The following PTPRT variants were observed in gnomAD, a reference collection of about 807,000 sequenced individuals.
The protein encoded by PTPRT is receptor-type tyrosine-protein phosphatase T.
PTPRT carries 56 observed loss-of-function variants against 176.8 expected under a neutral mutation model. The observed-to-expected ratio is 0.32, with a 90% CI of 0.26 to 0.40. The LOEUF (loss-of-function observed/expected upper bound fraction) is 0.40, where lower values mean the gene tolerates loss of function less well. PTPRT is among the 10% of genes least tolerant of loss of function. PTPRT has a pLI of 1.00. For missense variants in PTPRT, 1,540 were observed against 1,908.2 expected (o/e 0.81, Z 3.60); for synonymous variants, 783 against 739.0 (o/e 1.06, Z -0.96).
At chr20:42,858,646 A>G (rs1393153010) in intron 2 of PTPRT, among the ~76,000 whole-genome samples, 1 of 152,188 alleles carries the variant, frequency 6.6e-6, no homozygotes, top group African/African-American at 2.4e-5. Flanking sequence ...GAGATATGGA[A>G]TCTTCTAGCA....
intron 2 of PTPRT, among the ~76,000 whole-genome samples, chr20:42,858,757 A>C (rs771701903): frequency 5.9e-5 from 9 of 152,222 alleles, no homozygotes; most frequent in Non-Finnish European, 1.2e-4. Flanking sequence ...AACTGGACTG[A>C]CAGATGTCAA....
intron 11 of PTPRT, among the ~76,000 whole-genome samples, chr20:42,338,798 A>C (rs543937472): frequency 6.6e-6 from 1 of 152,128 alleles, no homozygotes; most frequent in Non-Finnish European, 1.5e-5. Context: ...AGTTCTGCAA[A>C]TTCAAGGAAT....
intron 15 of PTPRT, among the ~76,000 whole-genome samples, chr20:42,204,826 C>T (rs1379865801): frequency 1.3e-5 from 2 of 152,068 alleles, no homozygotes; most frequent in South Asian, 2.1e-4. Flanking sequence ...AATCATGCTA[C>T]GAGAGGAGGA....
rs1333945560 is a variant in PTPRT at position 42,971,265 on chromosome 20, C to G, written c.89-85333G>C. The stretch of plus-strand genomic sequence containing the variant: ...TGAAAGTGCTGTTTGAAGAATTTTT[C>G]AGTCTTCAGAGAAGCAAGTTCCCCA... On this transcript the variant is annotated intron_variant, in intron 1 of 30. Coordinates refer to ENST00000373187, the MANE Select transcript of PTPRT (RefSeq NM_007050.6). 2.6e-5 allele frequency: 4 copies of G among 152,204 alleles called. No homozygotes were observed. The East Asian group carries it at 7.7e-4, about 29-fold the overall frequency. The allele number at this position is 152,204 out of a possible 1,614,324, so 9.4% of individuals were successfully genotyped here.
At chr20:42,614,284 A>C (rs186868843) in intron 7 of PTPRT, among the ~76,000 whole-genome samples, 40 of 152,230 alleles carry the variant, frequency 2.6e-4, no homozygotes, top group Admixed American at 2.4e-3. Flanking sequence ...AACACCCCCA[A>C]CACACACACC....
chr20:42,419,314 G>A (rs1381980728), intron 9 of PTPRT, among the ~76,000 whole-genome samples: 2 of 152,204 alleles, frequency 1.3e-5, no homozygotes, highest in Admixed American at 1.3e-4. Flanking sequence ...ATTTGCACGA[G>A]CATGAGGGAA....
chr20:43,076,612 C>T (rs1445788049), intron 1 of PTPRT, among the ~76,000 whole-genome samples: 3 of 152,156 alleles, frequency 2.0e-5, no homozygotes, highest in Admixed American at 1.3e-4. Flanking sequence ...AACTCCGGAA[C>T]TCAGAGGCCA....
At chr20:43,119,102 T>A (rs185074213) in intron 1 of PTPRT, among the ~76,000 whole-genome samples, 1 of 152,322 alleles carries the variant, frequency 6.6e-6, no homozygotes, top group East Asian at 1.9e-4. Context: ...ATAATGTTCA[T>A]AAGAATATGT....
intron 6 of PTPRT, among the ~76,000 whole-genome samples, chr20:42,682,875 G>C (rs1394252639): frequency 3.3e-5 from 5 of 152,192 alleles, no homozygotes; most frequent in African/African-American, 1.2e-4. Context: ...ACTTGTAACA[G>C]TTTGACTCCC....
At chr20:43,127,315 C>T (rs893642548) in intron 1 of PTPRT, among the ~76,000 whole-genome samples, 8 of 150,578 alleles carry the variant, frequency 5.3e-5, no homozygotes, top group Non-Finnish European at 1.0e-4. Context: ...CCCAGCTACT[C>T]GGGAGGCTGA....
chr20:42,514,881 C>G (rs1029577277), intron 7 of PTPRT, among the ~76,000 whole-genome samples: 1 of 152,152 alleles, frequency 6.6e-6, no homozygotes, highest in Non-Finnish European at 1.5e-5. Context: ...ACTTTTCATC[C>G]TGCTCTACTT....
At position 42,352,362 on chromosome 20, in the gene PTPRT, C is replaced by A. The variant is rs6102794; in HGVS notation, c.1561-77G>T. 400,786 of 1,468,512 alleles carry A rather than the reference C, an allele frequency of 0.27. 59,170 individuals are homozygous for A. Among genetic ancestry groups the A allele is most frequent in the Non-Finnish European group, 0.3 (319,980 of 1,055,556 alleles). The allele number at this position is 1,468,512 out of a possible 1,614,324, so 91.0% of individuals were successfully genotyped here. A position where few individuals can be genotyped will look rare whatever the true frequency, so the allele number is the denominator to read the frequency against. ...GCTGGATGGAGCTCCTTTAGAGGAA[C>A]CTTAGGGAGGCGGGGGAAGGGGCAG... On this transcript the variant is annotated intron_variant, in intron 9 of 30. Transcript: ENST00000373187.
intron 7 of PTPRT, among the ~76,000 whole-genome samples, chr20:42,653,429 G>T (rs181804145): frequency 5.3e-5 from 8 of 152,270 alleles, no homozygotes; most frequent in Non-Finnish European, 1.2e-4. Context: ...GCCTATCAAG[G>T]ACAGCATCAA....
intron 7 of PTPRT, among the ~76,000 whole-genome samples, chr20:42,571,622 A>G (rs1039744821): frequency 2.6e-5 from 4 of 152,332 alleles, no homozygotes; most frequent in African/African-American, 9.6e-5. Flanking sequence ...CTATTACAAC[A>G]GATCTCTAGA....
At chr20:42,812,362 AT>A (rs1175577382) in intron 2 of PTPRT, among the ~76,000 whole-genome samples, 1 of 152,110 alleles carries the variant, frequency 6.6e-6, no homozygotes, top group Non-Finnish European at 1.5e-5. Flanking sequence ...CCAAAGAGAA[AT>A]TTTGTAACCA....
chr20:42,814,627 T>A (rs752605559), intron 2 of PTPRT, among the ~76,000 whole-genome samples: 13 of 152,308 alleles, frequency 8.5e-5, no homozygotes, highest in East Asian at 3.9e-4. Flanking sequence ...ATTTATTTTA[T>A]AAAGGAAGCA....
At chr20:43,027,108 C>T (rs1054965285) in intron 1 of PTPRT, among the ~76,000 whole-genome samples, 1 of 152,172 alleles carries the variant, frequency 6.6e-6, no homozygotes, top group Non-Finnish European at 1.5e-5. Context: ...ATCGCTAGAT[C>T]ATATGGTAGC....
intron 7 of PTPRT, among the ~76,000 whole-genome samples, chr20:42,599,471 T>C (rs1248850749): frequency 6.6e-6 from 1 of 152,126 alleles, no homozygotes; most frequent in South Asian, 2.1e-4. Flanking sequence ...TAGGATTCTG[T>C]GACTTCCTCA....
At chr20:42,538,937 G>A (rs1030642719) in intron 7 of PTPRT, among the ~76,000 whole-genome samples, 4 of 152,148 alleles carry the variant, frequency 2.6e-5, no homozygotes, top group African/African-American at 4.8e-5. Flanking sequence ...TTTCCAACAA[G>A]AGGTTCAAAT....
Sources: gnomAD v4.1 joint callset for allele counts (sites outside exome capture counted in the v4.1 genomes callset) on GRCh38, gnomAD v4.1.1 for gene constraint, MANE v1.5 for transcripts, NCBI Gene and HGNC (gene_info 2026-07-23, HGNC 2026-07-21) for gene names.